The following RELN variants were observed in gnomAD, a reference collection of about 807,000 sequenced individuals.
RELN encodes reelin.
RELN carries 108 observed loss-of-function variants against 427.6 expected under a neutral mutation model. The observed-to-expected ratio is 0.25, with a 90% CI of 0.22 to 0.30. The LOEUF is 0.30. Among genes scored for constraint, RELN ranks in the 10% least tolerant of loss-of-function variants. The pLI is 1.00. For synonymous variants in RELN, 1,524 were observed against 1,513.4 expected (o/e 1.01, Z -0.16); for missense variants, 3,715 against 4,302.8 (o/e 0.86, Z 3.82).
At chr7:103,583,400 T>C (rs1177378094) in intron 28 of RELN, among the ~76,000 whole-genome samples, 1 of 152,204 alleles carries the variant, frequency 6.6e-6, no homozygotes, top group African/African-American at 2.4e-5. Flanking sequence ...CCCTAACTAA[T>C]TCAGATTTGA....
In RELN at chr7:103,515,222, C is replaced by G. The variant is rs746311326; in HGVS notation, c.8082G>C (p.Arg2694Ser). The G allele has an allele frequency of 1.2e-6, 2 of 1,614,184 alleles. No homozygotes were observed. Among genetic ancestry groups the G allele is most frequent in the Non-Finnish European group, 1.7e-6 (2 of 1,180,032 alleles). ...RSPADAGPVG[R>S]IAFDMFMEDK... is the part of the protein sequence containing the mutation. Reference sequence around the variant, plus strand: ...CTTCCATAAACATGTCAAAGGCGATCCTCCCGACAGGGCCGGCATCTGCAG... The same window carrying G: ...CTTCCATAAACATGTCAAAGGCGATGCTCCCGACAGGGCCGGCATCTGCAG... The change falls in exon 50 of 65, where the codon AGG (arginine) becomes AGC (serine). Residue 2694 changes from arginine (R) to serine (S), a missense_variant. Transcript: ENST00000428762.
chr7:103,566,947 A>G (rs1830767343), intron 31 of RELN, among the ~76,000 whole-genome samples, 188 bp from the exon 32 acceptor site: 1 of 120,722 alleles, frequency 8.3e-6, no homozygotes, highest in East Asian at 2.3e-4. Flanking sequence ...TTTCTAATGC[A>G]CTGACTCCCA....
chr7:103,939,497 A>G (rs979341602), intron 1 of RELN, among the ~76,000 whole-genome samples: 7 of 152,198 alleles, frequency 4.6e-5, no homozygotes, highest in Non-Finnish European at 1.5e-5. Context: ...CCACGCACAT[A>G]TGATGAAATG....
chr7:103,987,137 T>C (rs1053370598), intron 1 of RELN, among the ~76,000 whole-genome samples: 1 of 150,242 alleles, frequency 6.7e-6, no homozygotes, highest in African/African-American at 2.4e-5. Flanking sequence ...AAAATCTAAA[T>C]GTTTAATAAA....
intron 2 of RELN, among the ~76,000 whole-genome samples, chr7:103,878,607 G>A (rs1471900657): frequency 6.6e-6 from 1 of 151,768 alleles, no homozygotes; most frequent in Admixed American, 6.6e-5. Flanking sequence ...CACACTGATG[G>A]GAATGAATGC....
Position 103,654,207 on chromosome 7 carries a change from T to C in RELN, c.1442-2A>G, listed in dbSNP as rs1215136271. On this transcript the variant is annotated splice_acceptor_variant, in intron 12 of 64. Transcript: ENST00000428762. LOFTEE classifies it high-confidence loss of function. ...AATTTCCAGGGTCACAAATTCCTCCTGCACAAAACAAAAATTTTAAGTTGC... is the reference window on the plus strand; with the variant it reads ...AATTTCCAGGGTCACAAATTCCTCCCGCACAAAACAAAAATTTTAAGTTGC... 1 of 1,577,390 alleles carries C rather than the reference T, an allele frequency of 6.3e-7. No homozygotes were observed.
intron 3 of RELN, among the ~76,000 whole-genome samples, chr7:103,828,610 C>G (rs540218716): frequency 1.3e-5 from 2 of 151,732 alleles, no homozygotes; most frequent in African/African-American, 4.8e-5. Context: ...AAACCTAAAC[C>G]TAATTGTGAT....
At chr7:103,967,678 C>T (rs911081648) in intron 1 of RELN, among the ~76,000 whole-genome samples, 3 of 152,214 alleles carry the variant, frequency 2.0e-5, no homozygotes, top group African/African-American at 7.2e-5. Flanking sequence ...CTCTCCCCTG[C>T]CATTCTCCAG....
chr7:103,807,759 A>G (rs1792636145), intron 3 of RELN, among the ~76,000 whole-genome samples: 1 of 152,174 alleles, frequency 6.6e-6, no homozygotes, highest in Admixed American at 6.6e-5. Flanking sequence ...AAGGGCCTCC[A>G]GCTGCACCCA....
intron 29 of RELN, among the ~76,000 whole-genome samples, chr7:103,575,253 A>C (rs1254595166): frequency 6.6e-6 from 1 of 152,204 alleles, no homozygotes; most frequent in Non-Finnish European, 1.5e-5. Flanking sequence ...AATAAAAAGA[A>C]CCTCAATGTC....
intron 47 of RELN, among the ~76,000 whole-genome samples, chr7:103,522,769 C>T (rs1394652291): frequency 2.0e-5 from 3 of 150,688 alleles, no homozygotes; most frequent in Non-Finnish European, 4.4e-5. Context: ...AAAGACTTCC[C>T]AGGTGTATGG....
intron 1 of RELN, among the ~76,000 whole-genome samples, chr7:103,969,251 A>G (rs1796715866): frequency 6.6e-6 from 1 of 152,218 alleles, no homozygotes; most frequent in African/African-American, 2.4e-5. Flanking sequence ...AATTTTATTC[A>G]GCAAGATGCA....
intron 25 of RELN, 60 bp from the exon 26 acceptor site, chr7:103,594,552 G>C (rs1014640369): frequency 2.9e-6 from 4 of 1,393,804 alleles, no homozygotes; most frequent in Admixed American, 1.7e-5. Context: ...TTTTTTTTCA[G>C]CTATTAAAAC....
At position 103,731,965 on chromosome 7, in the gene RELN, T is replaced by C. The variant is rs118178929; in HGVS notation, c.657-3758A>G. On this transcript the variant is annotated intron_variant, in intron 6 of 64. Coordinates refer to ENST00000428762, the MANE Select transcript of RELN (RefSeq NM_005045.4). ...TCTTCAAATTATGGGGTGTATTCTATGCTTACAGCACATCTCAATTCAGAC... is the reference window on the plus strand; with the variant it reads ...TCTTCAAATTATGGGGTGTATTCTACGCTTACAGCACATCTCAATTCAGAC... Among the ~76,000 whole-genome samples, 633 of 152,288 alleles carry C rather than the reference T, an allele frequency of 4.2e-3. 16 individuals carry two copies. Among genetic ancestry groups the C allele is most frequent in the Admixed American group, 0.029 (442 of 15,274 alleles).
chr7:103,829,637 C>A (rs956223751), intron 3 of RELN, among the ~76,000 whole-genome samples: 3 of 151,822 alleles, frequency 2.0e-5, no homozygotes, highest in African/African-American at 4.8e-5. Flanking sequence ...ATCCTGAAAT[C>A]ATCCTCTCCT....
At chr7:103,940,811 A>C (rs565599776) in intron 1 of RELN, among the ~76,000 whole-genome samples, 1 of 152,336 alleles carries the variant, frequency 6.6e-6, no homozygotes, top group South Asian at 2.1e-4. Flanking sequence ...ACCTGAAACC[A>C]AAAGTTTCCA....
chr7:103,478,600 T>C, intron 63 of RELN: 2 of 550,060 alleles, frequency 3.6e-6, no homozygotes, highest in East Asian at 3.1e-5. Flanking sequence ...TTCTATGTAA[T>C]GTAACATGCA....
At chr7:103,701,385 A>G (rs919132403) in intron 8 of RELN, among the ~76,000 whole-genome samples, 3 of 152,144 alleles carry the variant, frequency 2.0e-5, no homozygotes, top group Non-Finnish European at 4.4e-5. Flanking sequence ...TAAATGGTAC[A>G]TAAGTCATTA....
At chr7:103,590,843 C>A (rs123712) in intron 27 of RELN, among the ~76,000 whole-genome samples, 114,666 of 152,130 alleles carry the variant, frequency 0.75, 43,835 homozygotes, top group African/African-American at 0.87. Flanking sequence ...TATTTTGGTC[C>A]TACAGTTGAA....
Sources: gnomAD v4.1 joint callset for allele counts (sites outside exome capture counted in the v4.1 genomes callset) on GRCh38, gnomAD v4.1.1 for gene constraint, MANE v1.5 for transcripts, NCBI Gene and HGNC (gene_info 2026-07-23, HGNC 2026-07-21) for gene names.